The following HEATR5A variants were observed in gnomAD, a reference collection of about 807,000 sequenced individuals.
HEATR5A encodes HEAT repeat containing 5A.
HEATR5A carries 178 observed loss-of-function variants against 218.8 expected under a neutral mutation model. That is an observed-to-expected ratio of 0.81 (90% CI 0.72 to 0.92). The LOEUF (loss-of-function observed/expected upper bound fraction) is 0.92, where lower values mean the gene tolerates loss of function less well. HEATR5A is among the 40% of genes least tolerant of loss of function. The pLI is 0.00. For missense variants in HEATR5A, 2,420 were observed against 2,418.9 expected, an observed-to-expected ratio of 1.00 and a Z score of -0.01; for synonymous variants, 864 against 871.6, an observed-to-expected ratio of 0.99 and a Z score of 0.15.
At chr14:31,402,169 G>C (rs896935368) in intron 2 of HEATR5A, among the ~76,000 whole-genome samples, 6 of 152,162 alleles carry the variant, frequency 3.9e-5, no homozygotes, top group Non-Finnish European at 7.4e-5. Flanking sequence ...TAAATAAAAT[G>C]TCTTCTGTTA....
At chr14:31,350,146 AT>A (rs985346220) in intron 17 of HEATR5A, among the ~76,000 whole-genome samples, 167 bp from the exon 18 acceptor site, 4 of 151,732 alleles carry the variant, frequency 2.6e-5, no homozygotes, top group Middle Eastern at 3.4e-3. Context: ...ATATAATTTC[AT>A]TTTTTTTTAC....
rs555207293 is a variant in HEATR5A at position 31,410,227 on chromosome 14, C to T, written c.-74-7178G>A. 2.0e-5 allele frequency among the ~76,000 whole-genome samples: 3 copies of T among 152,256 alleles called. No individual in the cohort carries two copies. In the South Asian group the frequency reaches 6.2e-4, roughly 32 times the overall value. ...CTTTGACTTTTACTTCTCTAAAAGA[C>T]ACCGTAACAGCTTCAACTCACCCTA... On this transcript the variant is annotated intron_variant, in intron 1 of 35. Coordinates refer to ENST00000543095, the MANE Select transcript of HEATR5A (RefSeq NM_015473.4).
At chr14:31,398,228 CCTCTACA>C (rs2030732935) in intron 4 of HEATR5A, among the ~76,000 whole-genome samples, 1 of 151,232 alleles carries the variant, frequency 6.6e-6, no homozygotes, top group African/African-American at 2.4e-5. Context: ...GGTCACACAT[CCTCTACA>C]CTCTTTCCCC....
chr14:31,370,857 C>A (rs1902012302), intron 13 of HEATR5A, among the ~76,000 whole-genome samples: 1 of 152,118 alleles, frequency 6.6e-6, no homozygotes, highest in African/African-American at 2.4e-5. Flanking sequence ...CCAAACAAAC[C>A]TAAACAATGT....
At chr14:31,295,137 T>C (rs897209902) in intron 34 of HEATR5A, among the ~76,000 whole-genome samples, 5 of 152,156 alleles carry the variant, frequency 3.3e-5, no homozygotes, top group Non-Finnish European at 7.4e-5. Context: ...ACATAAAAAA[T>C]AGGACATTAC....
At chr14:31,327,982 C>A (rs1374530179) in intron 22 of HEATR5A, among the ~76,000 whole-genome samples, 1 of 152,144 alleles carries the variant, frequency 6.6e-6, no homozygotes, top group Non-Finnish European at 1.5e-5. Flanking sequence ...GAGACAGAGT[C>A]TCGCTCTGTC....
rs1269980705 is a variant in HEATR5A at position 31,293,500 on chromosome 14, T to C, written c.5946A>G (p.Gln1982=). The change falls in exon 36 of 36, where the codon CAA becomes CAG. Residue 1982 remains glutamine, a synonymous_variant. Transcript: ENST00000543095. Reference sequence around the variant, plus strand: ...ACTGAGGTCCAATTTGCATGAGATTTTGTAGAGCAAAGTCATGTAAATTTC... The same window carrying C: ...ACTGAGGTCCAATTTGCATGAGATTCTGTAGAGCAAAGTCATGTAAATTTC... ...IMRNLHDFAL[Q]NLMQIGPQYS... is the part of the protein sequence containing the mutation. 16 of 1,613,816 alleles carry C rather than the reference T, an allele frequency of 9.9e-6. No homozygotes were observed. The highest frequency in any genetic ancestry group is 1.3e-5 in the Non-Finnish European group (15 of 1,179,842).
intron 34 of HEATR5A, 107 bp from the exon 35 acceptor site, chr14:31,294,211 A>C (rs1032186935): frequency 2.7e-6 from 2 of 748,896 alleles, no homozygotes; most frequent in African/African-American, 3.5e-5. Flanking sequence ...ATTTATTTCT[A>C]ATTTGTGTTT....
intron 24 of HEATR5A, among the ~76,000 whole-genome samples, chr14:31,322,516 G>T (rs1900139249): frequency 6.6e-6 from 1 of 152,094 alleles, no homozygotes; most frequent in South Asian, 2.1e-4. Context: ...TACTTCTAAG[G>T]AATTTAGAAA....
chr14:31,320,397 C>A, intron 25 of HEATR5A: 2 of 1,070,820 alleles, frequency 1.9e-6, no homozygotes, highest in East Asian at 2.4e-5. Context: ...CCTGAATCAG[C>A]CACACCAACT....
At chr14:31,313,252 T>C in intron 27 of HEATR5A, 62 bp from the exon 28 acceptor site, 2 of 1,277,146 alleles carry the variant, frequency 1.6e-6, no homozygotes, top group Non-Finnish European at 2.2e-6. Context: ...GCTATAAAAT[T>C]TTTATATCTT....
Position 31,342,979 on chromosome 14 carries a change from G to A in HEATR5A, c.3228+917C>T, listed in dbSNP as rs1450494873. ...CACGTTACTAATGGGAGTGTGCTAC[G>A]AATACTGCAGGAGTAGAAAAATTTG... On this transcript the variant is annotated intron_variant, in intron 21 of 35. Coordinates refer to ENST00000543095, the MANE Select transcript of HEATR5A (RefSeq NM_015473.4). Among the ~76,000 whole-genome samples, 7 of 152,180 alleles carry A rather than the reference G, an allele frequency of 4.6e-5. No homozygotes were observed. The East Asian group carries it at 1.2e-3, about 25-fold the overall frequency.
intron 11 of HEATR5A, 67 bp from the exon 12 acceptor site, chr14:31,375,035 T>C: frequency 7.7e-7 from 1 of 1,303,224 alleles, no homozygotes; most frequent in Non-Finnish European, 1.0e-6. Context: ...ACTCTATTAT[T>C]AAGCAGCAAC....
intron 1 of HEATR5A, among the ~76,000 whole-genome samples, chr14:31,411,443 G>A (rs185448568): frequency 8.5e-5 from 13 of 152,268 alleles, no homozygotes; most frequent in African/African-American, 3.1e-4. Context: ...AGAAAACTAC[G>A]AGTGCAGAAG....
At chr14:31,386,334 T>G in intron 9 of HEATR5A, 86 bp downstream of exon 9, 1 of 942,984 alleles carries the variant, frequency 1.1e-6, no homozygotes, top group Non-Finnish European at 1.6e-6. Context: ...TAATGGAATC[T>G]ATAAGTAAGC....
chr14:31,390,737 T>C (rs2030419987), intron 6 of HEATR5A, among the ~76,000 whole-genome samples: 1 of 152,210 alleles, frequency 6.6e-6, no homozygotes, highest in Admixed American at 6.5e-5. Flanking sequence ...CTGCCAGTCA[T>C]GTAAAAGTAA....
At chr14:31,351,244 G>C (rs1349473666) in intron 16 of HEATR5A, among the ~76,000 whole-genome samples, 4 of 152,104 alleles carry the variant, frequency 2.6e-5, no homozygotes, top group Admixed American at 6.5e-5. Context: ...GTAACACATA[G>C]CCTCACAGAA....
At chr14:31,301,028 G>A (rs534962946) in intron 33 of HEATR5A, among the ~76,000 whole-genome samples, 59 of 152,226 alleles carry the variant, frequency 3.9e-4, no homozygotes, top group Middle Eastern at 3.4e-3. Flanking sequence ...TAGGAGCCAG[G>A]CTCCACCAGA....
Position 31,400,462 on chromosome 14 carries a change from CAA to C in HEATR5A, c.175_176del (p.Leu59ValfsTer15), listed in dbSNP as rs779679819. The C allele has an allele frequency of 6.5e-7, 1 of 1,535,912 alleles. No homozygotes were observed. ...QKTLVEQLLS[L>X]LNSSPGPPTR... is the part of the protein sequence containing the mutation. ...TAGGAGGCCCTGGGGAGCTGTTCAACAAAGACAGGAGCTGTTCAACAAGAGTC... is the reference window on the plus strand; with the variant it reads ...TAGGAGGCCCTGGGGAGCTGTTCAACAGACAGGAGCTGTTCAACAAGAGTC... On this transcript the variant is annotated frameshift_variant, in exon 3 of 36. Coordinates refer to ENST00000543095, the MANE Select transcript of HEATR5A (RefSeq NM_015473.4). LOFTEE classifies it high-confidence loss of function.
Sources: allele counts gnomAD v4.1 joint callset (sites outside exome capture counted in the v4.1 genomes callset), GRCh38; gene constraint gnomAD v4.1.1; transcripts MANE v1.5; gene names NCBI Gene and HGNC (gene_info 2026-07-23, HGNC 2026-07-21).